Variants in ARHGEF3 observed in about 807,000 individuals in gnomAD.
ARHGEF3 encodes 59.8 kDA protein.
Under a neutral mutation model 63.2 loss-of-function variants are expected in ARHGEF3, and 28 were observed. That is an observed-to-expected ratio of 0.44 (90% confidence interval 0.33 to 0.61). The LOEUF (loss-of-function observed/expected upper bound fraction) is 0.61, where lower values mean the gene tolerates loss of function less well. Among genes scored for constraint, ARHGEF3 ranks in the 20% least tolerant of loss-of-function variants. The probability of loss-of-function intolerance (pLI) is 0.03; values close to 1 mark genes in which losing one functional copy is unlikely to be tolerated. For synonymous variants in ARHGEF3, 266 were observed against 254.2 expected (o/e 1.05, Z -0.44); for missense variants, 533 against 659.3 (o/e 0.81, Z 2.10).
At chr3:56,930,706 G>A (rs955876132) in intron 3 of ARHGEF3, among the ~76,000 whole-genome samples, 4 of 152,128 alleles carry the variant, frequency 2.6e-5, no homozygotes, top group African/African-American at 7.2e-5. Flanking sequence ...AAAGCAAAAG[G>A]AACTTTAGTC....
At chr3:56,921,071 A>C (rs569960860) in intron 3 of ARHGEF3, among the ~76,000 whole-genome samples, 4 of 150,526 alleles carry the variant, frequency 2.7e-5, no homozygotes, top group Non-Finnish European at 5.9e-5. Flanking sequence ...AAAAAAAAAA[A>C]AAAAAACTCA....
chr3:56,736,049 AACACACAC>A (rs10530565), intron 8 of ARHGEF3, among the ~76,000 whole-genome samples: 355 of 147,140 alleles, frequency 2.4e-3, no homozygotes, highest in African/African-American at 6.1e-3. Flanking sequence ...CAGAAATTTA[AACACACAC>A]ACACACACAC....
intron 3 of ARHGEF3, among the ~76,000 whole-genome samples, chr3:56,890,759 G>A (rs2041091894): frequency 6.6e-6 from 1 of 152,186 alleles, no homozygotes; most frequent in Non-Finnish European, 1.5e-5. Flanking sequence ...GAACTGATTA[G>A]TGTCAGAACA....
rs139455926 is a variant in ARHGEF3 at position 56,760,684 on chromosome 3, C to T, written c.205-5533G>A. 3.3e-5 allele frequency among the ~76,000 whole-genome samples: 5 copies of T among 151,896 alleles called. No individual in the cohort carries two copies. The East Asian group carries it at 9.7e-4, about 29-fold the overall frequency. Reference sequence around the variant, plus strand: ...GATTCAAAACCAGATCTGGTTCCAACAGAGCCTGAGCTCTTTCTACTTTGG... The same window carrying T: ...GATTCAAAACCAGATCTGGTTCCAATAGAGCCTGAGCTCTTTCTACTTTGG... On this transcript the variant is annotated intron_variant, in intron 2 of 9. Coordinates refer to ENST00000296315, the MANE Select transcript of ARHGEF3 (RefSeq NM_019555.3).
chr3:57,014,500 C>T (rs1051612037), intron 2 of ARHGEF3, among the ~76,000 whole-genome samples: 17 of 152,030 alleles, frequency 1.1e-4, no homozygotes, highest in African/African-American at 3.6e-4. Flanking sequence ...TGTGCATATG[C>T]GTACCAATGC....
intron 2 of ARHGEF3, among the ~76,000 whole-genome samples, chr3:56,993,806 G>A (rs187940187): frequency 6.7e-6 from 1 of 149,414 alleles, no homozygotes; most frequent in African/African-American, 2.4e-5. Context: ...GGTGGCTCAC[G>A]CCTGTAATCC....
intron 1 of ARHGEF3, among the ~76,000 whole-genome samples, chr3:57,039,618 C>T (rs1704096305): frequency 6.6e-6 from 1 of 152,198 alleles, no homozygotes; most frequent in Non-Finnish European, 1.5e-5. Flanking sequence ...GGGCAGCATT[C>T]CTCCTGGACG....
intron 3 of ARHGEF3, among the ~76,000 whole-genome samples, chr3:56,943,297 C>T (rs1225456201): frequency 6.6e-6 from 1 of 152,178 alleles, no homozygotes; most frequent in African/African-American, 2.4e-5. Context: ...ATTGACCATT[C>T]TGAAAATCCC....
intron 2 of ARHGEF3, among the ~76,000 whole-genome samples, chr3:57,024,096 A>G (rs1308897404): frequency 6.6e-6 from 1 of 152,174 alleles, no homozygotes; most frequent in Non-Finnish European, 1.5e-5. Flanking sequence ...GAAAACAGCA[A>G]CACACAGGTA....
chr3:56,809,625 G>C (rs914113417), intron 4 of ARHGEF3, among the ~76,000 whole-genome samples: 1 of 152,096 alleles, frequency 6.6e-6, no homozygotes, highest in African/African-American at 2.4e-5. Context: ...TGTACTACTA[G>C]AGTGTCTTTG....
At chr3:56,897,620 G>T (rs988933935) in intron 3 of ARHGEF3, among the ~76,000 whole-genome samples, 1 of 151,474 alleles carries the variant, frequency 6.6e-6, no homozygotes, top group Non-Finnish European at 1.5e-5. Flanking sequence ...GAGTGCAGTG[G>T]TGTGATCTCG....
intron 2 of ARHGEF3, among the ~76,000 whole-genome samples, chr3:56,977,781 T>C (rs553541237): frequency 1.3e-5 from 2 of 152,284 alleles, no homozygotes; most frequent in African/African-American, 4.8e-5. Flanking sequence ...TAGGAATCCA[T>C]GTCTTAGACT....
rs141465754 is a variant in ARHGEF3, at chr3:56,751,457, A to G, written c.439-61T>C. 7.5e-3 allele frequency: 10,686 copies of G among 1,426,328 alleles called. 57 individuals carry two copies. The highest frequency in any genetic ancestry group is 8.9e-3 in the Non-Finnish European group (9,051 of 1,015,976). The allele number at this position is 1,426,328 out of a possible 1,614,324, so 88.4% of individuals were successfully genotyped here. On this transcript the variant is annotated intron_variant, in intron 4 of 9. Transcript: ENST00000296315. Reference sequence around the variant, plus strand: ...TAAAATCAGAGGAAGTACATTGTTCATGTAAGTGGCTCCTGAGAGGTCCTA... The same window carrying G: ...TAAAATCAGAGGAAGTACATTGTTCGTGTAAGTGGCTCCTGAGAGGTCCTA...
intron 4 of ARHGEF3, among the ~76,000 whole-genome samples, chr3:56,849,918 T>G (rs1184990784): frequency 6.6e-6 from 1 of 152,174 alleles, no homozygotes; most frequent in Non-Finnish European, 1.5e-5. Context: ...AAGGGCCTTT[T>G]GGAAAACACG....
chr3:56,788,001 C>T (rs2036907938), intron 1 of ARHGEF3, among the ~76,000 whole-genome samples: 1 of 152,116 alleles, frequency 6.6e-6, no homozygotes, highest in African/African-American at 2.4e-5. Context: ...AACGAATAGG[C>T]TGTAGAGGCA....
intron 3 of ARHGEF3, among the ~76,000 whole-genome samples, chr3:56,906,094 A>T (rs1206817010): frequency 1.3e-5 from 2 of 151,982 alleles, no homozygotes; most frequent in African/African-American, 2.4e-5. Context: ...CAAACTCCTG[A>T]TCTCGTGCTC....
intron 3 of ARHGEF3, among the ~76,000 whole-genome samples, chr3:56,932,025 A>G (rs1056953759): frequency 1.3e-5 from 2 of 152,158 alleles, no homozygotes; most frequent in African/African-American, 4.8e-5. Context: ...CCAAGTTCTC[A>G]CATTTGAAAC....
intron 2 of ARHGEF3, among the ~76,000 whole-genome samples, chr3:57,014,224 T>G (rs1011479179): frequency 6.6e-6 from 1 of 152,070 alleles, no homozygotes; most frequent in Non-Finnish European, 1.5e-5. Flanking sequence ...CGTCTGAATA[T>G]CCGAAGGAAC....
chr3:56,910,661 G>A (rs911752908), intron 3 of ARHGEF3, among the ~76,000 whole-genome samples: 9 of 151,900 alleles, frequency 5.9e-5, no homozygotes, highest in Admixed American at 1.3e-4. Context: ...AAACAGAAAC[G>A]AAAAAGAGAT....
Sources: gnomAD v4.1 joint callset for allele counts (sites outside exome capture counted in the v4.1 genomes callset) on GRCh38, gnomAD v4.1.1 for gene constraint, MANE v1.5 for transcripts, NCBI Gene and HGNC (gene_info 2026-07-23, HGNC 2026-07-21) for gene names.